The following PUM1 variants were observed in gnomAD, a reference collection of about 807,000 sequenced individuals.
PUM1 encodes pumilio homolog 1.
PUM1 carries 13 observed loss-of-function variants against 131.8 expected under a neutral mutation model. That is an observed-to-expected ratio of 0.10 (90% CI 0.06 to 0.16). The LOEUF is 0.16. Ranked by LOEUF, PUM1 falls within the 10% of genes least tolerant of loss-of-function variation. The pLI, the probability that PUM1 is intolerant of heterozygous loss-of-function variation, is 1.00. For missense variants in PUM1, 961 were observed against 1,512.4 expected (o/e 0.64, Z 6.05); for synonymous variants, 509 against 556.5 (o/e 0.91, Z 1.20).
intron 2 of PUM1, among the ~76,000 whole-genome samples, chr1:31,048,211 C>T (rs2124583237): frequency 6.6e-6 from 1 of 151,700 alleles, no homozygotes; most frequent in East Asian, 1.9e-4. Flanking sequence ...TGCACTCCAG[C>T]CTGGGCAACA....
chr1:30,952,427 A>C, intron 15 of PUM1, 64 bp from the exon 16 acceptor site: 5 of 1,608,136 alleles, frequency 3.1e-6, no homozygotes, highest in Non-Finnish European at 3.4e-6. Context: ...ACATCAGTGT[A>C]CCTCGGTTTA....
At chr1:30,944,934 G>A (rs1639606715) in intron 18 of PUM1, among the ~76,000 whole-genome samples, 1 of 152,210 alleles carries the variant, frequency 6.6e-6, no homozygotes, top group East Asian at 1.9e-4. Context: ...TTTTACTGCA[G>A]TCTAAAGTAC....
rs1174565063 is a variant in PUM1, at chr1:30,989,571, C to CAAAAAAAAAAAAA, written c.1158+2806_1158+2818dup. ...TGGGCAAAAGAGTGAGACTCCGTCT[C>CAAAAAAAAAAAAA]AAAAAAAAAAAAAAAAAAAAAAAAA... is the stretch of plus-strand genomic sequence containing the variant. On this transcript the variant is annotated intron_variant, in intron 7 of 21. Coordinates refer to ENST00000426105, the MANE Select transcript of PUM1 (RefSeq NM_001020658.2). 1.7e-3 allele frequency among the ~76,000 whole-genome samples: 47 copies of CAAAAAAAAAAAAA among 27,706 alleles called. 3 individuals carry two copies. Among genetic ancestry groups the CAAAAAAAAAAAAA allele is most frequent in the African/African-American group, 2.7e-3 (20 of 7,410 alleles). The allele number at this position is 27,706 out of a possible 152,430, so 18.2% of individuals were successfully genotyped here.
intron 21 of PUM1, 32 bp downstream of exon 21, chr1:30,936,611 C>G (rs1300573442): frequency 6.3e-7 from 1 of 1,588,514 alleles, no homozygotes; most frequent in Non-Finnish European, 8.6e-7. Context: ...GCCTTGCACA[C>G]TTTCTCTGAG....
chr1:30,933,746 C>G (rs368035708), intron 21 of PUM1, among the ~76,000 whole-genome samples: 1 of 152,230 alleles, frequency 6.6e-6, no homozygotes, highest in Non-Finnish European at 1.5e-5. Context: ...GCCCCATGCA[C>G]GGCATCCAGG....
intron 5 of PUM1, among the ~76,000 whole-genome samples, chr1:31,002,357 A>G (rs897950304): frequency 3.9e-5 from 6 of 152,048 alleles, no homozygotes; most frequent in African/African-American, 1.2e-4. Flanking sequence ...TTCCCAATAT[A>G]TTTTTTCTAA....
In PUM1 at chr1:30,952,355, T is replaced by A; in HGVS notation, c.2600A>T (p.Gln867Leu). ...TGGTGTGGCACGCTCCAGTTTCAGC[T>A]GAATGAATCTGAAGTACAAAGTAAA... is the stretch of plus-strand genomic sequence containing the variant. ...SQDQHGSRFIQLKLERATPAE... is the reference protein window; with the variant it reads ...SQDQHGSRFILLKLERATPAE... Residue 867 changes from glutamine to leucine, a missense_variant, in exon 16 of 22, where the codon CAG (glutamine) becomes CTG (leucine). This residue lies in a region of PUM1 where 117 missense variants were observed against 200.7 expected (regional missense o/e 0.58). Transcript: ENST00000426105. 6.2e-7 allele frequency: 1 copy of A among 1,613,864 alleles called. No homozygotes were observed. The highest frequency in any genetic ancestry group is 8.5e-7 in the Non-Finnish European group (1 of 1,179,802).
rs1641934717 is a variant in PUM1, at chr1:30,995,123, CCCT to C, written c.815_817del (p.Glu272del). On this transcript the variant is annotated inframe_deletion, in exon 6 of 22. Transcript: ENST00000426105. Reference sequence around the variant, plus strand: ...ACCATTGGTCTTGTCCATCACATCACCCTCCTCCTTCAAATCTCCTAGCTTATC... The same window carrying C: ...ACCATTGGTCTTGTCCATCACATCACCCTCCTTCAAATCTCCTAGCTTATC... 1 of 1,613,240 alleles carries C rather than the reference CCCT, an allele frequency of 6.2e-7. No homozygotes were observed. The highest frequency in any genetic ancestry group is 1.7e-5 in the Admixed American group (1 of 60,008).
chr1:31,018,548 C>T (rs1168100932), intron 3 of PUM1, among the ~76,000 whole-genome samples: 1 of 152,028 alleles, frequency 6.6e-6, no homozygotes, highest in African/African-American at 2.4e-5. Flanking sequence ...GTCCCTGCTA[C>T]TTGGGAGGCT....
At chr1:31,038,053 T>A (rs1362896617) in intron 2 of PUM1, among the ~76,000 whole-genome samples, 1 of 147,620 alleles carries the variant, frequency 6.8e-6, no homozygotes, top group Non-Finnish European at 1.5e-5. Flanking sequence ...CACTCCAGCC[T>A]CGGAAATAGA....
In PUM1 at chr1:30,966,134, A is replaced by G; in HGVS notation, c.1934T>C (p.Phe645Ser). ...GCTGTTCAGAGAGTTGTTGCCGTAG[A>G]AAGAACTGGATGCCAGGTTGTTATT... is the stretch of plus-strand genomic sequence containing the variant. ...QPNNNLASSS[F>S]YGNNSLNSNS... Residue 645 changes from phenylalanine to serine, a missense_variant, in exon 13 of 22, where the codon TTC becomes TCC. By Grantham distance (155) the Phe-to-Ser change is radical. Around this residue, in one of 4 missense-constraint regions of PUM1, gnomAD observed 654 missense variants for 923.9 expected, o/e 0.71. Transcript: ENST00000426105. The G allele has an allele frequency of 6.2e-7, 1 of 1,614,148 alleles. No individual in the cohort carries two copies.
intron 3 of PUM1, among the ~76,000 whole-genome samples, chr1:31,023,943 A>AC (rs1553151343): frequency 2.7e-5 from 4 of 150,290 alleles, no homozygotes; most frequent in South Asian, 2.1e-4. Context: ...AAAAAAAAAA[A>AC]CCCCAATGAA....
intron 18 of PUM1, 65 bp from the exon 19 acceptor site, chr1:30,942,188 T>TGAAGGTG: frequency 9.9e-6 from 2 of 202,622 alleles, no homozygotes; most frequent in Non-Finnish European, 1.8e-5. Context: ...GCTTCAGTAT[T>TGAAGGTG]GTTTATATAT....
At position 30,992,617 on chromosome 1, in the gene PUM1, G is replaced by T. The variant is rs1348059833; in HGVS notation, c.931C>A (p.Leu311Ile). ...GAACCATTCTGGTTTGGACCCAGAA[G>T]ATCCACTTCATTAGCAGAGTTCTGG... Reference protein sequence around the residue: ...NCQNSANEVDLLGPNQNGSEG... With the variant: ...NCQNSANEVDILGPNQNGSEG... The change falls in exon 7 of 22, where the codon CTT becomes ATT. Residue 311 changes from leucine to isoleucine, a missense_variant. This residue lies in a region of PUM1 where 654 missense variants were observed against 923.9 expected (regional missense o/e 0.71). Transcript: ENST00000426105. 3 of 1,614,120 alleles carry T rather than the reference G, an allele frequency of 1.9e-6. No individual in the cohort carries two copies. Among genetic ancestry groups the T allele is most frequent in the Admixed American group, 3.3e-5 (2 of 60,024 alleles).
intron 7 of PUM1, among the ~76,000 whole-genome samples, chr1:30,985,670 G>C (rs200708391): frequency 8.3e-6 from 1 of 120,058 alleles, no homozygotes; most frequent in African/African-American, 3.7e-5. Context: ...AAAAAAAAAA[G>C]AGTCAAAATC....
At chr1:30,978,109 G>T (rs1176615798) in intron 9 of PUM1, among the ~76,000 whole-genome samples, 1 of 152,146 alleles carries the variant, frequency 6.6e-6, no homozygotes, top group African/African-American at 2.4e-5. Context: ...GCCAGGCGTG[G>T]TGGTGGGTGC....
chr1:30,987,812 G>C (rs995293539), intron 7 of PUM1, among the ~76,000 whole-genome samples: 1 of 152,172 alleles, frequency 6.6e-6, no homozygotes, highest in Non-Finnish European at 1.5e-5. Flanking sequence ...AATTTAGCAT[G>C]TTCTTCAATT....
rs1287576495 is a variant in PUM1 at position 30,942,607 on chromosome 1, G to C, written c.2995-484C>G. ...GCAATAAGAAAAGATTCTTTTGCTGGGTTTGGAGCAATAGAAAAGCACACT... is the reference window on the plus strand; with the variant it reads ...GCAATAAGAAAAGATTCTTTTGCTGCGTTTGGAGCAATAGAAAAGCACACT... On this transcript the variant is annotated intron_variant, in intron 18 of 21. Coordinates refer to ENST00000426105, the MANE Select transcript of PUM1 (RefSeq NM_001020658.2). Among the ~76,000 whole-genome samples, 5 of 152,180 alleles carry C rather than the reference G, an allele frequency of 3.3e-5. No individual in the cohort carries two copies. The East Asian group carries it at 9.6e-4, about 29-fold the overall frequency.
chr1:31,022,870 C>T (rs567128953), intron 3 of PUM1, among the ~76,000 whole-genome samples: 2 of 152,160 alleles, frequency 1.3e-5, no homozygotes, highest in South Asian at 2.1e-4. Context: ...TCCTATTGTA[C>T]GTGAAAGCTA....
Sources: allele counts gnomAD v4.1 joint callset (sites outside exome capture counted in the v4.1 genomes callset), GRCh38; gene constraint gnomAD v4.1.1; regional missense constraint gnomAD v4.1.1; transcripts MANE v1.5; gene names NCBI Gene and HGNC (gene_info 2026-07-23, HGNC 2026-07-21).